The following EPHA6 variants were observed in gnomAD, a reference collection of about 807,000 sequenced individuals.
The protein encoded by EPHA6 is ephrin type-A receptor 6.
EPHA6 carries 50 observed loss-of-function variants against 112.0 expected under a neutral mutation model. The observed-to-expected ratio is 0.45, with a 90% CI of 0.36 to 0.56. EPHA6 has a LOEUF of 0.56. Among genes scored for constraint, EPHA6 ranks in the 20% least tolerant of loss-of-function variants. The pLI is 0.00. For synonymous variants in EPHA6, 529 were observed against 490.7 expected, an observed-to-expected ratio of 1.08 and a Z score of -1.03; for missense variants, 1,280 against 1,417.4, an observed-to-expected ratio of 0.90 and a Z score of 1.56.
Position 96,987,380 on chromosome 3 carries a change from C to T in EPHA6, c.501C>T (p.Tyr167=), listed in dbSNP as rs1049029555. The T allele has an allele frequency of 3.7e-6, 6 of 1,613,734 alleles. No individual in the cohort carries two copies. Among genetic ancestry groups the T allele is most frequent in the Non-Finnish European group, 5.1e-6 (6 of 1,179,744 alleles). The change falls in exon 3 of 18, where the codon TAC becomes TAT. Residue 167 remains tyrosine (Y), a synonymous_variant. Transcript: ENST00000389672. ...AACATAATAGGCCCATTCACACATA[C>T]CAGGTATGTAATGTAATGGAACCAA... ...MDEHNRPIHT[Y]QVCNVMEPNQ... is the part of the protein sequence containing the mutation.
At chr3:97,510,131 A>G (rs2092336935) in intron 10 of EPHA6, among the ~76,000 whole-genome samples, 1 of 152,210 alleles carries the variant, frequency 6.6e-6, no homozygotes, top group Non-Finnish European at 1.5e-5. Context: ...TTGGGTTAGA[A>G]CATGCTCCTT....
At chr3:96,829,945 GCGCGCAC>G (rs1018092502) in intron 1 of EPHA6, among the ~76,000 whole-genome samples, 3 of 86,966 alleles carry the variant, frequency 3.4e-5, no homozygotes, top group African/African-American at 1.2e-4. Context: ...ATGTGCGCGC[GCGCGCAC>G]ACACACACAC....
intron 2 of EPHA6, among the ~76,000 whole-genome samples, chr3:96,948,621 T>A (rs1400778114): frequency 6.6e-6 from 1 of 152,152 alleles, no homozygotes; most frequent in Non-Finnish European, 1.5e-5. Context: ...AGGAAAGTCT[T>A]TATATTTGAT....
intron 4 of EPHA6, among the ~76,000 whole-genome samples, chr3:97,235,383 G>T (rs1318455130): frequency 6.6e-6 from 1 of 152,008 alleles, no homozygotes; most frequent in African/African-American, 2.4e-5. Context: ...GTGTCCTGAT[G>T]AATCATCATC....
chr3:97,108,304 T>G (rs2047626049), intron 3 of EPHA6, among the ~76,000 whole-genome samples: 1 of 152,198 alleles, frequency 6.6e-6, no homozygotes, highest in South Asian at 2.1e-4. Flanking sequence ...GTGTTCCCAT[T>G]TAAAATCAAT....
At chr3:97,286,756 T>C (rs1413867134) in intron 5 of EPHA6, among the ~76,000 whole-genome samples, 1 of 152,064 alleles carries the variant, frequency 6.6e-6, no homozygotes, top group Admixed American at 6.5e-5. Flanking sequence ...ATTTTAGATT[T>C]TTTTTTCTAG....
At chr3:97,003,576 TACAA>T (rs1418980715) in intron 3 of EPHA6, among the ~76,000 whole-genome samples, 1 of 152,182 alleles carries the variant, frequency 6.6e-6, no homozygotes, top group African/African-American at 2.4e-5. Flanking sequence ...ACTTGTAGGA[TACAA>T]ATTAGGATTT....
intron 5 of EPHA6, among the ~76,000 whole-genome samples, chr3:97,266,514 A>AAAAAG (rs2079690451): frequency 4.6e-5 from 7 of 152,150 alleles, no homozygotes; most frequent in Non-Finnish European, 8.8e-5. Flanking sequence ...GGGCTTAAAA[A>AAAAAG]AAAAATTTGC....
chr3:96,845,399 C>G (rs1342812043), intron 1 of EPHA6, among the ~76,000 whole-genome samples: 2 of 151,912 alleles, frequency 1.3e-5, no homozygotes, highest in Non-Finnish European at 2.9e-5. Flanking sequence ...CATACAAAGA[C>G]TTACTATCCT....
At chr3:96,982,747 A>T (rs1259357124) in intron 2 of EPHA6, among the ~76,000 whole-genome samples, 2 of 152,146 alleles carry the variant, frequency 1.3e-5, no homozygotes, top group African/African-American at 4.8e-5. Context: ...TCTGTATTGA[A>T]TGCATATATA....
intron 12 of EPHA6, among the ~76,000 whole-genome samples, chr3:97,610,583 C>T (rs1335841152): frequency 6.6e-6 from 1 of 151,524 alleles, no homozygotes; most frequent in Admixed American, 6.6e-5. Context: ...TAATTCATGT[C>T]CCTTTTATGA....
intron 3 of EPHA6, among the ~76,000 whole-genome samples, chr3:97,020,712 TAA>T (rs1265485534): frequency 1.3e-5 from 2 of 152,214 alleles, no homozygotes; most frequent in African/African-American, 4.8e-5. Flanking sequence ...GCCATTTGGA[TAA>T]AAATTTACTT....
At chr3:97,222,175 A>G (rs763232856) in intron 3 of EPHA6, among the ~76,000 whole-genome samples, 8 of 152,200 alleles carry the variant, frequency 5.3e-5, no homozygotes, top group Non-Finnish European at 1.2e-4. Flanking sequence ...AACACTCGAC[A>G]CAATAGTTGT....
chr3:96,875,429 T>C (rs1194219040), intron 2 of EPHA6, among the ~76,000 whole-genome samples: 4 of 152,144 alleles, frequency 2.6e-5, no homozygotes, highest in African/African-American at 4.8e-5. Context: ...TATTCCTTCC[T>C]GTACAGCAAC....
intron 14 of EPHA6, among the ~76,000 whole-genome samples, chr3:97,646,769 A>G (rs1336845811): frequency 6.6e-6 from 1 of 152,180 alleles, no homozygotes; most frequent in East Asian, 1.9e-4. Context: ...AAACATATTC[A>G]CAAGTTATGT....
chr3:96,866,381 T>A (rs1229267281), intron 1 of EPHA6, among the ~76,000 whole-genome samples: 2 of 152,036 alleles, frequency 1.3e-5, no homozygotes, highest in Non-Finnish European at 2.9e-5. Flanking sequence ...TGAGTTTTTT[T>A]AATACTTGGC....
chr3:97,553,512 C>A (rs1221079457), intron 11 of EPHA6, among the ~76,000 whole-genome samples: 1 of 152,016 alleles, frequency 6.6e-6, no homozygotes, highest in Admixed American at 6.6e-5. Flanking sequence ...TAAGAGTAAG[C>A]AAGGCACATC....
chr3:97,637,821 G>C, intron 13 of EPHA6, 52 bp from the exon 14 acceptor site: 1 of 1,325,986 alleles, frequency 7.5e-7, no homozygotes. Context: ...ATACACACAC[G>C]CACACACTGC....
intron 7 of EPHA6, among the ~76,000 whole-genome samples, chr3:97,458,046 C>CAA (rs1404831498): frequency 1.8e-5 from 2 of 113,220 alleles, no homozygotes; most frequent in Non-Finnish European, 3.3e-5. Flanking sequence ...CCAGCCTGGG[C>CAA]GACAGTGCGA....
Sources: gnomAD v4.1 joint callset for allele counts (sites outside exome capture counted in the v4.1 genomes callset) on GRCh38, gnomAD v4.1.1 for gene constraint, MANE v1.5 for transcripts, NCBI Gene and HGNC (gene_info 2026-07-23, HGNC 2026-07-21) for gene names.